ASTN2: variants seen among roughly 807,000 people sequenced by gnomAD.
ASTN2 encodes astrotactin-2.
ASTN2 carries 54 observed loss-of-function variants against 139.8 expected under a neutral mutation model. The observed-to-expected ratio is 0.39, with a 90% CI of 0.31 to 0.48. ASTN2 has a LOEUF of 0.48. Among genes scored for constraint, ASTN2 ranks in the 20% least tolerant of loss-of-function variants. The pLI, the probability that ASTN2 is intolerant of heterozygous loss-of-function variation, is 0.95. For missense variants in ASTN2, 1,565 were observed against 1,725.1 expected, an observed-to-expected ratio of 0.91 and a Z score of 1.64; for synonymous variants, 756 against 719.5, an observed-to-expected ratio of 1.05 and a Z score of -0.81.
At chr9:117,386,111 G>A (rs1301572656) in intron 1 of ASTN2, among the ~76,000 whole-genome samples, 2 of 151,844 alleles carry the variant, frequency 1.3e-5, no homozygotes, top group African/African-American at 2.4e-5. Context: ...TAGAGAAGCT[G>A]TCACTCTTTG....
At chr9:117,274,349 CAA>C (rs199581935) in intron 2 of ASTN2, among the ~76,000 whole-genome samples, 2 of 150,818 alleles carry the variant, frequency 1.3e-5, no homozygotes, top group East Asian at 1.9e-4. Context: ...GACTCCGTCT[CAA>C]AAAAAAATAG....
At chr9:116,830,303 A>G (rs1026181271) in intron 11 of ASTN2, among the ~76,000 whole-genome samples, 1 of 152,200 alleles carries the variant, frequency 6.6e-6, no homozygotes, top group Non-Finnish European at 1.5e-5. Flanking sequence ...CACCAGTCAG[A>G]ATGGCTACTA....
intron 19 of ASTN2, among the ~76,000 whole-genome samples, chr9:116,566,230 C>T (rs1044529542): frequency 1.3e-5 from 2 of 152,178 alleles, no homozygotes; most frequent in African/African-American, 2.4e-5. Flanking sequence ...TTGAGTCATG[C>T]ACAAGTCCTT....
intron 6 of ASTN2, among the ~76,000 whole-genome samples, chr9:117,020,448 C>A (rs1296310101): frequency 6.6e-6 from 1 of 151,900 alleles, no homozygotes; most frequent in African/African-American, 2.4e-5. Flanking sequence ...AATAATGCCA[C>A]TTTCTTCTTC....
chr9:117,333,197 TC>T (rs10712793), intron 1 of ASTN2, among the ~76,000 whole-genome samples: 5,022 of 152,270 alleles, frequency 0.033, 302 homozygotes, highest in African/African-American at 0.12. Context: ...CCTGGAAGGC[TC>T]CCAACTCCTG....
At chr9:116,706,808 T>C (rs1464811789) in intron 16 of ASTN2, among the ~76,000 whole-genome samples, 1 of 149,096 alleles carries the variant, frequency 6.7e-6, no homozygotes, top group African/African-American at 2.5e-5. Context: ...AAGCTCATGC[T>C]TTGTGCTGTG....
intron 3 of ASTN2, among the ~76,000 whole-genome samples, chr9:117,207,076 G>T (rs935543408): frequency 6.6e-6 from 1 of 151,980 alleles, no homozygotes; most frequent in Non-Finnish European, 1.5e-5. Flanking sequence ...CATTCCCTAG[G>T]CTGGCCAGGC....
intron 11 of ASTN2, among the ~76,000 whole-genome samples, chr9:116,862,858 C>T (rs949097999): frequency 1.3e-5 from 2 of 150,572 alleles, no homozygotes; most frequent in East Asian, 4.0e-4. Flanking sequence ...GTTAAAAAGT[C>T]AGGCTCCCGG....
chr9:117,100,094 C>T lies in ASTN2; in HGVS notation c.1169-3943G>A, dbSNP rs1254060189. Among the ~76,000 whole-genome samples, 3 of 152,186 alleles carry T rather than the reference C, an allele frequency of 2.0e-5. No individual in the cohort carries two copies. The East Asian group carries it at 5.8e-4, about 29-fold the overall frequency. ...TAGCAGTTCTCTTAATTGACTCCAACACCTGGACCTGTTTTCTTGTAGGAA... is the reference window on the plus strand; with the variant it reads ...TAGCAGTTCTCTTAATTGACTCCAATACCTGGACCTGTTTTCTTGTAGGAA... On this transcript the variant is annotated intron_variant, in intron 4 of 22. Transcript: ENST00000313400.
chr9:117,214,639 C>T lies in ASTN2; in HGVS notation c.734G>A (p.Ser245Asn), dbSNP rs748999295. 1 of 1,577,392 alleles carries T rather than the reference C, an allele frequency of 6.3e-7. No homozygotes were observed. Among genetic ancestry groups the T allele is most frequent in the Non-Finnish European group, 8.7e-7 (1 of 1,154,316 alleles). Residue 245 changes from serine to asparagine, a missense_variant, in exon 3 of 23, where the codon AGC becomes AAC. By Grantham distance (46) the Ser-to-Asn change is conservative. Coordinates refer to ENST00000313400, the MANE Select transcript of ASTN2 (RefSeq NM_001365068.1). Reference sequence around the variant, plus strand: ...GTGGATCTCATGAGTGGCTTCTGTGCTTGCGCTCTTCTGGGGGATGCGGCG... The same window carrying T: ...GTGGATCTCATGAGTGGCTTCTGTGTTTGCGCTCTTCTGGGGGATGCGGCG... Reference protein sequence around the residue: ...KRRRIPQKSASTEATHEIHYI... With the variant: ...KRRRIPQKSANTEATHEIHYI...
intron 3 of ASTN2, among the ~76,000 whole-genome samples, chr9:117,211,761 A>C (rs1321186405): frequency 6.6e-6 from 1 of 152,226 alleles, no homozygotes; most frequent in Non-Finnish European, 1.5e-5. Context: ...TACATAAACA[A>C]ACTAGCTGAA....
intron 7 of ASTN2, among the ~76,000 whole-genome samples, chr9:116,987,072 G>A (rs546951766): frequency 6.6e-6 from 1 of 152,304 alleles, no homozygotes; most frequent in African/African-American, 2.4e-5. Context: ...TCTACAAGAT[G>A]AGTTCCAACC....
chr9:116,982,361 AT>A (rs1214046788), intron 7 of ASTN2, among the ~76,000 whole-genome samples: 1 of 152,114 alleles, frequency 6.6e-6, no homozygotes, highest in African/African-American at 2.4e-5. Context: ...TCTTTGGCAC[AT>A]TTCTTCTTGC....
intron 10 of ASTN2, among the ~76,000 whole-genome samples, chr9:116,885,405 C>T (rs1294367623): frequency 6.6e-6 from 1 of 152,164 alleles, no homozygotes; most frequent in Non-Finnish European, 1.5e-5. Flanking sequence ...GTGGCTCATG[C>T]CTATAATCCC....
chr9:117,143,424 C>T (rs1422064701), intron 3 of ASTN2, among the ~76,000 whole-genome samples: 1 of 152,166 alleles, frequency 6.6e-6, no homozygotes, highest in Non-Finnish European at 1.5e-5. Context: ...AATAGATGGG[C>T]TATACTTTGG....
intron 10 of ASTN2, among the ~76,000 whole-genome samples, chr9:116,960,663 C>T (rs573197357): frequency 9.9e-5 from 15 of 152,072 alleles, no homozygotes; most frequent in Admixed American, 9.2e-4. Context: ...TGTAACCCCC[C>T]AGAAATGTTT....
chr9:116,798,403 C>A (rs1830756300), intron 13 of ASTN2, among the ~76,000 whole-genome samples: 1 of 152,214 alleles, frequency 6.6e-6, no homozygotes, highest in South Asian at 2.1e-4. Context: ...TAGTATAGTT[C>A]TCAGAGGCTG....
chr9:117,276,522 C>T (rs1889655), intron 2 of ASTN2, among the ~76,000 whole-genome samples: 31,823 of 152,148 alleles, frequency 0.21, 3,988 homozygotes, highest in South Asian at 0.29. Context: ...TATTTCACTC[C>T]CTATTAAGGA....
At chr9:116,636,834 A>G (rs1857098598) in intron 17 of ASTN2, among the ~76,000 whole-genome samples, 1 of 152,180 alleles carries the variant, frequency 6.6e-6, no homozygotes, top group South Asian at 2.1e-4. Flanking sequence ...CCTCAATGCA[A>G]CAGTATTAAG....
Sources: gnomAD v4.1 joint callset for allele counts (sites outside exome capture counted in the v4.1 genomes callset) on GRCh38, gnomAD v4.1.1 for gene constraint, MANE v1.5 for transcripts, NCBI Gene and HGNC (gene_info 2026-07-23, HGNC 2026-07-21) for gene names.